MAP3K5: variants seen among roughly 807,000 people sequenced by gnomAD.
MAP3K5 encodes the protein mitogen-activated protein kinase kinase kinase 5, also known as ASK-1.
A neutral mutation model predicts 158.7 loss-of-function variants in MAP3K5; 56 were observed. The ratio of observed to expected loss-of-function variants is 0.35; its 90% CI spans 0.28 to 0.44. The LOEUF is 0.44. Among genes scored for constraint, MAP3K5 ranks in the 20% least tolerant of loss-of-function variants. MAP3K5 has a pLI of 1.00. For missense variants in MAP3K5, 1,294 were observed against 1,674.8 expected (o/e 0.77, Z 3.97); for synonymous variants, 579 against 601.7 (o/e 0.96, Z 0.55).
chr6:136,639,575 T>C lies in MAP3K5; in HGVS notation c.1902A>G (p.Gln634=), dbSNP rs1356368112. 1 of 1,599,114 alleles carries C rather than the reference T, an allele frequency of 6.3e-7. No homozygotes were observed. The highest frequency in any genetic ancestry group is 8.5e-7 in the Non-Finnish European group (1 of 1,174,606). Residue 634 remains glutamine (Q), a synonymous_variant, in exon 13 of 30, where the codon CAA becomes CAG. Transcript: ENST00000359015. ...LYVLHNSDDF[Q]IYFCTELHCK... ...AATGAAGTTCTGTACAGAAATAGAT[T>C]TGGAAATCATCAGAATTGTGAAGCA...
chr6:136,728,168 C>T (rs1782055060), intron 1 of MAP3K5, among the ~76,000 whole-genome samples: 2 of 152,016 alleles, frequency 1.3e-5, no homozygotes, highest in Admixed American at 6.6e-5. Flanking sequence ...AGCTATTAAG[C>T]TTAATTGCAT....
intron 4 of MAP3K5, among the ~76,000 whole-genome samples, chr6:136,697,665 C>A (rs1007064142): frequency 6.6e-6 from 1 of 151,122 alleles, no homozygotes; most frequent in Non-Finnish European, 1.5e-5. Context: ...ACTTAAAATG[C>A]CAAAACTTTG....
rs201524930 is a variant in MAP3K5 at position 136,658,305 on chromosome 6, C to CTTTTTTTTTTTTTTTTTTTTTTT, written c.1526+913_1526+914insAAAAAAAAAAAAAAAAAAAAAAA. Reference sequence around the variant, plus strand: ...CTTTTTCTTTTTCTTTTCTTTCTTTCTTTCTTTCTTTTTTTTTTTTTTTTT... The same window carrying CTTTTTTTTTTTTTTTTTTTTTTT: ...CTTTTTCTTTTTCTTTTCTTTCTTTCTTTTTTTTTTTTTTTTTTTTTTTTTTCTTTCTTTTTTTTTTTTTTTTT... On this transcript the variant is annotated intron_variant, in intron 9 of 29. Coordinates refer to ENST00000359015, the MANE Select transcript of MAP3K5 (RefSeq NM_005923.4). 6.2e-5 allele frequency among the ~76,000 whole-genome samples: 7 copies of CTTTTTTTTTTTTTTTTTTTTTTT among 112,236 alleles called. 1 individual carries two copies. Among genetic ancestry groups the CTTTTTTTTTTTTTTTTTTTTTTT allele is most frequent in the Admixed American group, 1.0e-4 (1 of 9,608 alleles). 73.6% of individuals were successfully genotyped at this position (112,236 alleles called of 152,430 possible).
chr6:136,611,107 C>CAAAAAAAAAAA (rs59508317), intron 18 of MAP3K5, among the ~76,000 whole-genome samples, 175 bp downstream of exon 18: 9 of 24,456 alleles, frequency 3.7e-4, no homozygotes, highest in East Asian at 2.4e-3. Context: ...GACCCTGTCT[C>CAAAAAAAAAAA]AAAAAAAAAA....
intron 26 of MAP3K5, 93 bp downstream of exon 26, chr6:136,567,538 G>T: frequency 7.8e-7 from 1 of 1,275,392 alleles, no homozygotes. Context: ...TTCCATGAAT[G>T]GGATAAGGGA....
At chr6:136,632,277 T>C (rs958081305) in intron 14 of MAP3K5, among the ~76,000 whole-genome samples, 1 of 152,112 alleles carries the variant, frequency 6.6e-6, no homozygotes, top group East Asian at 1.9e-4. Context: ...TCCCAGCATT[T>C]TGGGAGGCCA....
chr6:136,742,319 T>C (rs1056912006), intron 1 of MAP3K5, among the ~76,000 whole-genome samples: 26 of 151,116 alleles, frequency 1.7e-4, no homozygotes, highest in African/African-American at 5.1e-4. Flanking sequence ...GCCCCAGAAA[T>C]AGATCCACAT....
At chr6:136,695,468 A>T (rs1028744530) in intron 6 of MAP3K5, among the ~76,000 whole-genome samples, 6 of 152,194 alleles carry the variant, frequency 3.9e-5, no homozygotes, top group Non-Finnish European at 8.8e-5. Context: ...AAGCTATTAT[A>T]AAAAAGGTAT....
At chr6:136,644,982 G>C (rs1476358467) in intron 11 of MAP3K5, among the ~76,000 whole-genome samples, 4 of 152,168 alleles carry the variant, frequency 2.6e-5, no homozygotes, top group African/African-American at 9.7e-5. Context: ...AGGCTGGAGT[G>C]TAGTGGGGTA....
At chr6:136,755,331 C>A (rs748749241) in intron 1 of MAP3K5, among the ~76,000 whole-genome samples, 75 of 152,200 alleles carry the variant, frequency 4.9e-4, no homozygotes, top group Non-Finnish European at 8.4e-4. Context: ...ATGCTCCTCA[C>A]TCTTCACCTA....
intron 15 of MAP3K5, among the ~76,000 whole-genome samples, chr6:136,621,915 T>A (rs185307722): frequency 6.6e-6 from 1 of 151,832 alleles, no homozygotes; most frequent in Non-Finnish European, 1.5e-5. Flanking sequence ...TGAAACCGCG[T>A]CTCTATTAAA....
chr6:136,580,152 T>C, intron 25 of MAP3K5, 149 bp downstream of exon 25: 1 of 592,008 alleles, frequency 1.7e-6, no homozygotes, highest in Admixed American at 2.8e-5. Context: ...ATCCAGACTA[T>C]ATGTACTATT....
At chr6:136,734,461 G>A (rs1238815890) in intron 1 of MAP3K5, among the ~76,000 whole-genome samples, 1 of 150,786 alleles carries the variant, frequency 6.6e-6, no homozygotes, top group Non-Finnish European at 1.5e-5. Flanking sequence ...GGGATAGGAG[G>A]CTAGTTTGTT....
chr6:136,778,046 T>A (rs11154887), intron 1 of MAP3K5, among the ~76,000 whole-genome samples: 79,988 of 151,998 alleles, frequency 0.53, 21,600 homozygotes, highest in Admixed American at 0.62. Flanking sequence ...AATAATATAT[T>A]TTTTAAAAGG....
intron 21 of MAP3K5, among the ~76,000 whole-genome samples, chr6:136,599,994 A>T (rs1372935761): frequency 6.6e-6 from 1 of 152,134 alleles, no homozygotes; most frequent in Non-Finnish European, 1.5e-5. Context: ...GGAAGAAGAA[A>T]AAGTAGAGAG....
At chr6:136,615,741 A>T (rs969889764) in intron 15 of MAP3K5, among the ~76,000 whole-genome samples, 1 of 152,194 alleles carries the variant, frequency 6.6e-6, no homozygotes. Flanking sequence ...GAATATATAT[A>T]TATCTTCTAT....
chr6:136,628,709 T>C (rs1777162855), intron 14 of MAP3K5, among the ~76,000 whole-genome samples: 1 of 152,168 alleles, frequency 6.6e-6, no homozygotes, highest in African/African-American at 2.4e-5. Context: ...AGAAGCTGAC[T>C]CCTGTTAAAC....
At chr6:136,769,793 A>AAGGAAGGGAGGG (rs1444283215) in intron 1 of MAP3K5, among the ~76,000 whole-genome samples, 4 of 15,802 alleles carry the variant, frequency 2.5e-4, no homozygotes, top group African/African-American at 1.1e-3. Flanking sequence ...GGAAGGAAGG[A>AAGGAAGGGAGGG]AGGGAGGGAG....
chr6:136,739,881 C>G (rs1242140729), intron 1 of MAP3K5, among the ~76,000 whole-genome samples: 3 of 152,130 alleles, frequency 2.0e-5, no homozygotes, highest in African/African-American at 7.2e-5. Flanking sequence ...CTGGTTGGGC[C>G]CTAAGCAAGC....
Sources: allele counts gnomAD v4.1 joint callset (sites outside exome capture counted in the v4.1 genomes callset), GRCh38; gene constraint gnomAD v4.1.1; transcripts MANE v1.5; gene names NCBI Gene and HGNC (gene_info 2026-07-23, HGNC 2026-07-21).